Variants in TMPRSS9 observed in about 807,000 individuals in gnomAD.
TMPRSS9 encodes the protein transmembrane serine protease 9, also known as transmembrane protease serine 9.
A neutral mutation model predicts 111.4 loss-of-function variants in TMPRSS9; 113 were observed. The ratio of observed to expected loss-of-function variants is 1.01; its 90% confidence interval spans 0.87 to 1.19. TMPRSS9 has a LOEUF of 1.19. Ranked by LOEUF, TMPRSS9 falls within the 50% of genes most tolerant of loss-of-function variation. The pLI is 0.00. For missense variants in TMPRSS9, 1,803 were observed against 1,513.1 expected, an observed-to-expected ratio of 1.19 and a Z score of -3.18; for synonymous variants, 805 against 659.1, an observed-to-expected ratio of 1.22 and a Z score of -3.39.
rs777095109 is a variant in TMPRSS9, at chr19:2,399,011, C to T, written c.339-7C>T. 1.9e-6 allele frequency: 3 copies of T among 1,609,086 alleles called. No homozygotes were observed. The highest frequency in any genetic ancestry group is 4.5e-5 in the East Asian group (2 of 44,832). ...CCTCTCCAAGGGCCTCTCCTCCATA[C>T]CTGTAGGGATGGGAACTCCAGTGTC... On this transcript the variant is annotated splice_region_variant and splice_polypyrimidine_tract_variant and intron_variant, in intron 3 of 17. Coordinates refer to ENST00000648592, the Ensembl canonical transcript of TMPRSS9.
chr19:2,385,792 A>G (rs1334331643), upstream of TMPRSS9, among the ~76,000 whole-genome samples: 1 of 152,150 alleles, frequency 6.6e-6, no homozygotes, highest in Non-Finnish European at 1.5e-5. Context: ...TAGAGGCTGC[A>G]GTGAGCTATG....
At chr19:2,403,935 G>T (rs1265841159) in intron 6 of TMPRSS9, among the ~76,000 whole-genome samples, 28 of 149,612 alleles carry the variant, frequency 1.9e-4, no homozygotes, top group African/African-American at 6.9e-4. Context: ...GGAGCTTGCA[G>T]TGAGCCAAGA....
rs557535488 is a variant in TMPRSS9, at chr19:2,363,213, A to C, written c.-26+2853A>C. The stretch of plus-strand genomic sequence containing the variant: ...TAAAGAGCATTCTTGGACTGTCTAA[A>C]ATTCCCTTTGCAGAATTTGGAATGT... On this transcript the variant is annotated intron_variant, in intron 1 of 17. Coordinates refer to the TMPRSS9 transcript ENST00000649857. Among the ~76,000 whole-genome samples, 5 of 152,262 alleles carry C rather than the reference A, an allele frequency of 3.3e-5. No individual in the cohort carries two copies. In the East Asian group the frequency reaches 9.7e-4, roughly 29 times the overall value.
At chr19:2,414,619 T>C (rs1470297364) in intron 10 of TMPRSS9, among the ~76,000 whole-genome samples, 2 of 151,830 alleles carry the variant, frequency 1.3e-5, no homozygotes, top group Non-Finnish European at 2.9e-5. Context: ...CTCGTGCCTG[T>C]CATCGCACAC....
Position 2,416,375 on chromosome 19 carries a change from CCT to C in TMPRSS9, c.1746-160_1746-159del, listed in dbSNP as rs1207467250. ...CCTTTTCAGGAGGAGCCCAGCAGCCCCTCTTTCCCTGGTCCTCCTCCCTGGAG... is the reference window on the plus strand; with the variant it reads ...CCTTTTCAGGAGGAGCCCAGCAGCCCCTTTCCCTGGTCCTCCTCCCTGGAG... On this transcript the variant is annotated intron_variant, in intron 11 of 17. Transcript: ENST00000648592. The C allele has an allele frequency of 1.7e-4, 155 of 904,072 alleles. No homozygotes were observed. In the African/African-American group the frequency reaches 1.9e-3, roughly 11 times the overall value. The allele number at this position is 904,072 out of a possible 1,614,324, so 56.0% of individuals were successfully genotyped here. A position where few individuals can be genotyped will look rare whatever the true frequency, so the allele number is the denominator to read the frequency against.
chr19:2,364,314 G>A (rs1320015377), intron 1 of TMPRSS9, among the ~76,000 whole-genome samples: 1 of 152,218 alleles, frequency 6.6e-6, no homozygotes, highest in East Asian at 1.9e-4. Flanking sequence ...CAGCCCTGCA[G>A]GCTGTTCTAA....
chr19:2,389,764 G>A (rs375618486), exon 1 of TMPRSS9: 23 of 1,601,612 alleles, frequency 1.4e-5, no homozygotes, highest in Middle Eastern at 1.7e-4. Flanking sequence ...CATCCAGCTC[G>A]CTGTCTGCGT....
intron 6 of TMPRSS9, 55 bp from the exon 8 acceptor site, chr19:2,405,319 T>C: frequency 6.6e-7 from 1 of 1,520,366 alleles, no homozygotes; most frequent in Non-Finnish European, 8.7e-7. Context: ...TTCTGGGAGT[T>C]CAGGGTGAGG....
intron 1 of TMPRSS9, among the ~76,000 whole-genome samples, chr19:2,380,826 C>T (rs1970380022): frequency 6.6e-6 from 1 of 152,110 alleles, no homozygotes; most frequent in South Asian, 2.1e-4. Flanking sequence ...TACAGTTTCT[C>T]TACAATAGCC....
At chr19:2,393,202 T>C (rs1012773519) in intron 1 of TMPRSS9, among the ~76,000 whole-genome samples, 2 of 152,192 alleles carry the variant, frequency 1.3e-5, no homozygotes, top group Admixed American at 1.3e-4. Flanking sequence ...TTTTTAATTC[T>C]CTGCGAGAAA....
chr19:2,409,995 G>C (rs1971060654), intron 8 of TMPRSS9, among the ~76,000 whole-genome samples: 1 of 152,128 alleles, frequency 6.6e-6, no homozygotes, highest in Non-Finnish European at 1.5e-5. Context: ...GGGGAATGCT[G>C]AGGGGTGGAG....
chr19:2,413,590 GGA>G (rs1971145119), intron 9 of TMPRSS9, 108 bp from the exon 11 acceptor site: 2 of 1,220,228 alleles, frequency 1.6e-6, no homozygotes, highest in Admixed American at 2.1e-5. Context: ...GAGCTTGTGT[GGA>G]GAGAGGTCCT....
chr19:2,421,794 G>C, intron 13 of TMPRSS9, 60 bp from the exon 15 acceptor site: 1 of 1,519,880 alleles, frequency 6.6e-7, no homozygotes. Context: ...GGAGGGTATG[G>C]CAGTGCTGGG....
At chr19:2,370,522 G>A (rs1249432672) in intron 1 of TMPRSS9, among the ~76,000 whole-genome samples, 4 of 151,944 alleles carry the variant, frequency 2.6e-5, no homozygotes, top group Non-Finnish European at 2.9e-5. Flanking sequence ...GGAGATGGGG[G>A]TCTCGCTATG....
At position 2,418,249 on chromosome 19, in the gene TMPRSS9, C is replaced by CGCCTCCTT. The variant is rs1568189011; in HGVS notation, c.2154+111_2154+112insGCCTCCTT. ...GATTTTTTTCCTTTCTTTCCTTCCCCCCCTCCTTCCCTCCTTGTCCTTCCC... is the reference window on the plus strand; with the variant it reads ...GATTTTTTTCCTTTCTTTCCTTCCCCGCCTCCTTCCCTCCTTCCCTCCTTGTCCTTCCC... On this transcript the variant is annotated intron_variant, in intron 13 of 17. Coordinates refer to ENST00000648592, the Ensembl canonical transcript of TMPRSS9. 2.1e-5 allele frequency: 18 copies of CGCCTCCTT among 855,918 alleles called. 2 individuals carry two copies. In the African/African-American group the frequency reaches 5.5e-4, roughly 26 times the overall value. 53.0% of individuals were successfully genotyped at this position (855,918 alleles called of 1,614,324 possible). A position where few individuals can be genotyped will look rare whatever the true frequency, so the allele number is the denominator to read the frequency against.
intron 6 of TMPRSS9, among the ~76,000 whole-genome samples, chr19:2,403,991 CA>C (rs924148287): frequency 4.6e-3 from 232 of 50,530 alleles, no homozygotes; most frequent in East Asian, 9.9e-3. Context: ...GACTCTGTCT[CA>C]AAAAAAAAAA....
chr19:2,360,714 CGGGGGTT>C (rs1970187729), intron 1 of TMPRSS9, among the ~76,000 whole-genome samples: 1 of 142,924 alleles, frequency 7.0e-6, no homozygotes, highest in Admixed American at 6.8e-5. Flanking sequence ...GTAGATGCGG[CGGGGGTT>C]ATGTGGACGC....
intron 13 of TMPRSS9, among the ~76,000 whole-genome samples, chr19:2,420,709 A>G (rs1294942282): frequency 1.3e-5 from 2 of 152,116 alleles, no homozygotes; most frequent in Non-Finnish European, 2.9e-5. Context: ...CCATATGTAA[A>G]GTGGGAAGCA....
At chr19:2,390,534 C>T (rs1199122478) in intron 1 of TMPRSS9, among the ~76,000 whole-genome samples, 1 of 149,706 alleles carries the variant, frequency 6.7e-6, no homozygotes, top group East Asian at 2.0e-4. Context: ...TGAGCCACCG[C>T]GCCCGGCCCC....
Sources: gnomAD v4.1 joint callset for allele counts (sites outside exome capture counted in the v4.1 genomes callset) on GRCh38, gnomAD v4.1.1 for gene constraint, MANE v1.5 for transcripts, NCBI Gene and HGNC (gene_info 2026-07-23, HGNC 2026-07-21) for gene names.